Variants in SENP6 observed in about 807,000 individuals in gnomAD.
The protein encoded by SENP6 is SUMO specific peptidase 6.
In SENP6, 41 loss-of-function variants were observed where a neutral mutation model predicts 134.5. That is an observed-to-expected ratio of 0.30 (90% confidence interval 0.24 to 0.40). SENP6 has a LOEUF of 0.40. Ranked by LOEUF, SENP6 falls within the 10% of genes least tolerant of loss-of-function variation. The probability of loss-of-function intolerance (pLI) is 1.00; values close to 1 mark genes in which losing one functional copy is unlikely to be tolerated. For synonymous variants in SENP6, 395 were observed against 429.8 expected (o/e 0.92, Z 1.00); for missense variants, 1,248 against 1,312.5 (o/e 0.95, Z 0.76).
chr6:75,618,648 G>A (rs1768031750), intron 1 of SENP6, among the ~76,000 whole-genome samples: 1 of 152,124 alleles, frequency 6.6e-6, no homozygotes, highest in Admixed American at 6.5e-5. Flanking sequence ...AGCAGCTCTA[G>A]CTCTCTATAC....
At chr6:75,675,648 CT>C in intron 12 of SENP6, 180 bp downstream of exon 12, 1 of 727,434 alleles carries the variant, frequency 1.4e-6, no homozygotes, top group African/African-American at 1.8e-5. Context: ...CAGAACCTAA[CT>C]TTTTAGAAAC....
chr6:75,626,428 T>C (rs1768699766), intron 3 of SENP6, among the ~76,000 whole-genome samples: 1 of 152,106 alleles, frequency 6.6e-6, no homozygotes, highest in Non-Finnish European at 1.5e-5. Context: ...CTTGACAGTA[T>C]GTTATGTAGA....
intron 1 of SENP6, among the ~76,000 whole-genome samples, chr6:75,608,824 C>T (rs879747605): frequency 2.6e-5 from 4 of 152,004 alleles, no homozygotes; most frequent in Non-Finnish European, 2.9e-5. Flanking sequence ...ATAAGCACTC[C>T]GTGTTACTTG....
At chr6:75,684,583 GTTTA>G (rs1411401120) in intron 16 of SENP6, among the ~76,000 whole-genome samples, 1 of 152,100 alleles carries the variant, frequency 6.6e-6, no homozygotes, top group African/African-American at 2.4e-5. Flanking sequence ...TCAATACCTA[GTTTA>G]TTGAGAGTTT....
rs576032826 is a variant in SENP6 at position 75,656,663 on chromosome 6, T to A, written c.551-2599T>A. Among the ~76,000 whole-genome samples, 7 of 152,334 alleles carry A rather than the reference T, an allele frequency of 4.6e-5. No individual in the cohort carries two copies. The East Asian group carries it at 1.2e-3, about 25-fold the overall frequency. On this transcript the variant is annotated intron_variant, in intron 7 of 23. Coordinates refer to ENST00000447266, the MANE Select transcript of SENP6 (RefSeq NM_015571.4). Reference sequence around the variant, plus strand: ...ACCCTGAGGCTAACATTTTTGTGTTTTTTTCTTAACTCTCTATAGATCTAG... The same window carrying A: ...ACCCTGAGGCTAACATTTTTGTGTTATTTTCTTAACTCTCTATAGATCTAG...
At chr6:75,700,448 G>T (rs1774949912) in intron 18 of SENP6, among the ~76,000 whole-genome samples, 1 of 152,168 alleles carries the variant, frequency 6.6e-6, no homozygotes, top group African/African-American at 2.4e-5. Flanking sequence ...TATTACAGCT[G>T]TAGGTTGAGA....
chr6:75,617,263 C>CTTTTTTTTTTTTT (rs71002751), intron 1 of SENP6, among the ~76,000 whole-genome samples: 2 of 58,090 alleles, frequency 3.4e-5, no homozygotes, highest in Non-Finnish European at 6.2e-5. Flanking sequence ...TTCTTTCTTT[C>CTTTTTTTTTTTTT]TTTTTTTTTT....
At chr6:75,613,999 A>G (rs908802431) in intron 1 of SENP6, among the ~76,000 whole-genome samples, 1 of 152,094 alleles carries the variant, frequency 6.6e-6, no homozygotes, top group Non-Finnish European at 1.5e-5. Flanking sequence ...GTCTTTCTTG[A>G]CCTTGACATA....
chr6:75,706,366 T>G (rs1188247490), intron 19 of SENP6, among the ~76,000 whole-genome samples: 1 of 152,188 alleles, frequency 6.6e-6, no homozygotes, highest in Non-Finnish European at 1.5e-5. Context: ...CAGTGTGGCT[T>G]TTTAAAGTCT....
At position 75,711,313 on chromosome 6, in the gene SENP6, G is replaced by A. The variant is rs1775731181; in HGVS notation, c.2821-15G>A. 1 of 1,587,386 alleles carries A rather than the reference G, an allele frequency of 6.3e-7. No individual in the cohort carries two copies. The highest frequency in any genetic ancestry group is 8.6e-7 in the Non-Finnish European group (1 of 1,157,780). On this transcript the variant is annotated splice_polypyrimidine_tract_variant and intron_variant, in intron 20 of 23. Transcript: ENST00000447266. ...TTATATATTTTCAGTATTAACAGTA[G>A]GCTGTCTTTTATAGGATGATAGCAG...
At chr6:75,665,138 T>C (rs2149867249) in intron 9 of SENP6, among the ~76,000 whole-genome samples, 2 of 152,084 alleles carry the variant, frequency 1.3e-5, no homozygotes, top group Admixed American at 1.3e-4. Context: ...TATAAAAAAT[T>C]AGCCGGGCAT....
At chr6:75,688,321 A>G (rs1484739929) in intron 16 of SENP6, among the ~76,000 whole-genome samples, 1 of 152,194 alleles carries the variant, frequency 6.6e-6, no homozygotes, top group African/African-American at 2.4e-5. Context: ...TGGCTAGGAA[A>G]GGGAAATCCC....
At position 75,702,858 on chromosome 6, in the gene SENP6, A is replaced by G; in HGVS notation, c.2502A>G (p.Ile834Met). 6.2e-7 allele frequency: 1 copy of G among 1,614,206 alleles called. No individual in the cohort carries two copies. Among genetic ancestry groups the G allele is most frequent in the Non-Finnish European group, 8.5e-7 (1 of 1,180,010 alleles). The stretch of plus-strand genomic sequence containing the variant: ...AGATGCTAAACAAAAAACATTGCAT[A>G]GCTGTAATTGATTCCAATCCTGGGC... ...IKKMLNKKHC[I>M]AVIDSNPGQE... is the part of the protein sequence containing the mutation. The change falls in exon 19 of 24, where the codon ATA (isoleucine) becomes ATG (methionine). Residue 834 changes from isoleucine (I) to methionine (M), a missense_variant. Ile to Met is a conservative substitution (Grantham distance 10). Around this residue, in one of 3 missense-constraint regions of SENP6, gnomAD observed 386 missense variants for 395.0 expected, o/e 0.98. Transcript: ENST00000447266.
In SENP6 at chr6:75,711,473, C is replaced by T. The variant is rs903122571; in HGVS notation, c.2909+57C>T. On this transcript the variant is annotated intron_variant, in intron 21 of 23. Transcript: ENST00000447266. ...ATAATTTTTAAGTATGCTCATAAAA[C>T]ATAACAGGACAGTTTTTTTTTTAAA... 5.5e-6 allele frequency: 6 copies of T among 1,085,344 alleles called. No homozygotes were observed. The African/African-American group carries it at 9.7e-5, about 18-fold the overall frequency. The allele number at this position is 1,085,344 out of a possible 1,614,324, so 67.2% of individuals were successfully genotyped here. A position where few individuals can be genotyped will look rare whatever the true frequency, so the allele number is the denominator to read the frequency against.
intron 5 of SENP6, chr6:75,635,036 T>C (rs1347030371): frequency 9.9e-6 from 6 of 604,004 alleles, no homozygotes; most frequent in Non-Finnish European, 1.8e-5. Flanking sequence ...CCTGTTGTAT[T>C]GCATTATAAT....
chr6:75,694,430 A>T (rs747866502), intron 16 of SENP6, among the ~76,000 whole-genome samples: 1 of 152,250 alleles, frequency 6.6e-6, no homozygotes, highest in South Asian at 2.1e-4. Context: ...ATACATAATG[A>T]TAACAGCTTT....
chr6:75,618,090 C>T, intron 1 of SENP6, among the ~76,000 whole-genome samples: 1 of 152,108 alleles, frequency 6.6e-6, no homozygotes, highest in Admixed American at 6.5e-5. Flanking sequence ...TCAGGTTTCT[C>T]CATTGTCAGT....
At chr6:75,699,180 C>T (rs1174257873) in intron 18 of SENP6, among the ~76,000 whole-genome samples, 3 of 151,964 alleles carry the variant, frequency 2.0e-5, no homozygotes, top group African/African-American at 7.2e-5. Flanking sequence ...TTTGATTATA[C>T]ACGATTTAGG....
chr6:75,658,750 G>C (rs1030226238), intron 7 of SENP6, among the ~76,000 whole-genome samples: 5 of 151,932 alleles, frequency 3.3e-5, no homozygotes, highest in Middle Eastern at 3.4e-3. Context: ...CTTAGAGTAA[G>C]TGACTTGGAA....
Sources: allele counts gnomAD v4.1 joint callset (sites outside exome capture counted in the v4.1 genomes callset), GRCh38; gene constraint gnomAD v4.1.1; regional missense constraint gnomAD v4.1.1; transcripts MANE v1.5; gene names NCBI Gene and HGNC (gene_info 2026-07-23, HGNC 2026-07-21).